PLXDC2: variants seen among roughly 807,000 people sequenced by gnomAD.
The protein encoded by PLXDC2 is plexin domain containing 2, also known as plexin domain-containing protein 2.
Under a neutral mutation model 68.9 loss-of-function variants are expected in PLXDC2, and 40 were observed. The ratio of observed to expected loss-of-function variants is 0.58; its 90% CI spans 0.45 to 0.76. The LOEUF (loss-of-function observed/expected upper bound fraction) is 0.76, where lower values mean the gene tolerates loss of function less well. Ranked by LOEUF, PLXDC2 falls within the 30% of genes least tolerant of loss-of-function variation. The probability of loss-of-function intolerance (pLI) is 0.00; values close to 1 mark genes in which losing one functional copy is unlikely to be tolerated. For synonymous variants in PLXDC2, 243 were observed against 234.2 expected, an observed-to-expected ratio of 1.04 and a Z score of -0.34; for missense variants, 644 against 661.9, an observed-to-expected ratio of 0.97 and a Z score of 0.30.
intron 12 of PLXDC2, among the ~76,000 whole-genome samples, chr10:20,232,972 G>A (rs1373904942): frequency 6.6e-6 from 1 of 151,870 alleles, no homozygotes; most frequent in Non-Finnish European, 1.5e-5. Context: ...AAATTCCTGT[G>A]AATAAATTCT....
chr10:19,992,310 T>C (rs920375621), intron 1 of PLXDC2, among the ~76,000 whole-genome samples: 1 of 152,138 alleles, frequency 6.6e-6, no homozygotes, highest in African/African-American at 2.4e-5. Flanking sequence ...TACCTAAACA[T>C]TTTATGTGGT....
chr10:20,135,031 T>C (rs983659572), intron 4 of PLXDC2, among the ~76,000 whole-genome samples: 12 of 152,224 alleles, frequency 7.9e-5, no homozygotes, highest in Non-Finnish European at 1.2e-4. Context: ...TTGTCTTTTC[T>C]TATTTCTGGG....
chr10:20,179,863 G>A (rs943807718), intron 9 of PLXDC2, among the ~76,000 whole-genome samples: 4 of 151,964 alleles, frequency 2.6e-5, no homozygotes, highest in African/African-American at 4.8e-5. Flanking sequence ...CGTGTGCAGG[G>A]TCTCATAGCT....
At chr10:20,222,862 T>G (rs1045515925) in intron 12 of PLXDC2, among the ~76,000 whole-genome samples, 2 of 152,164 alleles carry the variant, frequency 1.3e-5, no homozygotes. Flanking sequence ...GAAGATCTTA[T>G]GTAAAGACAT....
intron 1 of PLXDC2, among the ~76,000 whole-genome samples, chr10:19,860,972 T>G (rs1837309285): frequency 6.6e-6 from 1 of 152,074 alleles, no homozygotes; most frequent in African/African-American, 2.4e-5. Flanking sequence ...CCAAGACACT[T>G]AATTACTGCA....
At position 19,894,741 on chromosome 10, in the gene PLXDC2, C is replaced by T. The variant is rs561903539; in HGVS notation, c.112+77550C>T. Among the ~76,000 whole-genome samples the T allele has an allele frequency of 6.6e-5, 10 of 152,114 alleles. No individual in the cohort carries two copies. The South Asian group carries it at 1.5e-3, about 22-fold the overall frequency. On this transcript the variant is annotated intron_variant, in intron 1 of 13. Transcript: ENST00000377252. ...GAAACCACAATGAGATCCCATCTCA[C>T]GCCAGTTAGAATGGAGATCATTAAA...
At chr10:19,977,816 T>C (rs1834484615) in intron 1 of PLXDC2, among the ~76,000 whole-genome samples, 1 of 152,144 alleles carries the variant, frequency 6.6e-6, no homozygotes, top group Non-Finnish European at 1.5e-5. Flanking sequence ...GGCCCACCCT[T>C]ACGACCTAAT....
chr10:19,850,694 A>G (rs193208518), intron 1 of PLXDC2, among the ~76,000 whole-genome samples: 1 of 152,326 alleles, frequency 6.6e-6, no homozygotes, highest in East Asian at 1.9e-4. Context: ...TGCATTTTAA[A>G]TAAAATATCC....
At chr10:20,194,658 T>G (rs900052338) in intron 9 of PLXDC2, among the ~76,000 whole-genome samples, 6 of 151,940 alleles carry the variant, frequency 3.9e-5, no homozygotes, top group Non-Finnish European at 7.4e-5. Context: ...TATTATACTT[T>G]AAGTTCTAGG....
chr10:20,225,585 GTTC>G (rs1835275912), intron 12 of PLXDC2, among the ~76,000 whole-genome samples: 1 of 152,068 alleles, frequency 6.6e-6, no homozygotes, highest in Non-Finnish European at 1.5e-5. Context: ...ATACTGAAAA[GTTC>G]TTCTACTTTA....
At chr10:20,202,153 A>G (rs1834929103) in intron 9 of PLXDC2, among the ~76,000 whole-genome samples, 1 of 152,176 alleles carries the variant, frequency 6.6e-6, no homozygotes, top group South Asian at 2.1e-4. Flanking sequence ...CATAGAAAAT[A>G]TATCTGTGCT....
intron 1 of PLXDC2, among the ~76,000 whole-genome samples, chr10:19,817,683 C>T (rs1002260174): frequency 3.9e-5 from 6 of 152,158 alleles, no homozygotes; most frequent in Non-Finnish European, 8.8e-5. Flanking sequence ...CCTGGCGATC[C>T]CCACTAGCTC....
At chr10:20,028,267 AAGGTCTCC>A (rs1445942954) in intron 2 of PLXDC2, among the ~76,000 whole-genome samples, 9 of 152,170 alleles carry the variant, frequency 5.9e-5, no homozygotes, top group African/African-American at 2.2e-4. Context: ...GGAATTTTTC[AAGGTCTCC>A]AGGTGATTCT....
At chr10:20,079,344 G>A (rs1389339101) in intron 4 of PLXDC2, among the ~76,000 whole-genome samples, 3 of 152,204 alleles carry the variant, frequency 2.0e-5, no homozygotes, top group Non-Finnish European at 2.9e-5. Flanking sequence ...TTATTAAAAA[G>A]TGAGAAAACA....
At chr10:19,854,585 G>A (rs1251879645) in intron 1 of PLXDC2, among the ~76,000 whole-genome samples, 2 of 152,196 alleles carry the variant, frequency 1.3e-5, no homozygotes, top group Non-Finnish European at 2.9e-5. Flanking sequence ...TCATGTAGAC[G>A]CAAGACCTAG....
At chr10:19,934,691 T>G (rs995581228) in intron 1 of PLXDC2, among the ~76,000 whole-genome samples, 4 of 152,246 alleles carry the variant, frequency 2.6e-5, no homozygotes, top group Non-Finnish European at 4.4e-5. Flanking sequence ...TATAGTTGAT[T>G]AAAATAAACA....
rs565962234 is a variant in PLXDC2, at chr10:20,196,777, G to T, written c.1062-14892G>T. Among the ~76,000 whole-genome samples, 16 of 152,254 alleles carry T rather than the reference G, an allele frequency of 1.1e-4. No individual in the cohort carries two copies. In the South Asian group the frequency reaches 3.3e-3, roughly 32 times the overall value. ...GTATAACAGACAATTGTTGAACACG[G>T]TTCATGTCAACTATTTCACGTTCAA... is the stretch of plus-strand genomic sequence containing the variant. On this transcript the variant is annotated intron_variant, in intron 9 of 13. Transcript: ENST00000377252.
chr10:20,277,532 A>C (rs1402362361), intron 13 of PLXDC2, among the ~76,000 whole-genome samples: 1 of 152,188 alleles, frequency 6.6e-6, no homozygotes, highest in East Asian at 1.9e-4. Context: ...ACAAAGGCCC[A>C]GAGAAATCAA....
chr10:19,913,750 G>A (rs1833316403), intron 1 of PLXDC2, among the ~76,000 whole-genome samples: 1 of 152,056 alleles, frequency 6.6e-6, no homozygotes. Flanking sequence ...GCTGGGAGTG[G>A]GGAATTACTT....
Sources: gnomAD v4.1 joint callset for allele counts (sites outside exome capture counted in the v4.1 genomes callset) on GRCh38, gnomAD v4.1.1 for gene constraint, MANE v1.5 for transcripts, NCBI Gene and HGNC (gene_info 2026-07-23, HGNC 2026-07-21) for gene names.